C2CD2L: variants seen among roughly 807,000 people sequenced by gnomAD.
C2CD2L encodes C2CD2 like.
In C2CD2L, 24 loss-of-function variants were observed where a neutral mutation model predicts 69.9. That is an observed-to-expected ratio of 0.34 (90% CI 0.25 to 0.48). The LOEUF (loss-of-function observed/expected upper bound fraction) is 0.48, where lower values mean the gene tolerates loss of function less well. Ranked by LOEUF, C2CD2L falls within the 20% of genes least tolerant of loss-of-function variation. The pLI is 0.99. For missense variants in C2CD2L, 811 were observed against 941.5 expected (o/e 0.86, Z 1.81); for synonymous variants, 367 against 391.0 (o/e 0.94, Z 0.72).
At chr11:119,115,356 A>C (rs1251745482) in intron 13 of C2CD2L, 1 of 152,242 alleles carries the variant, frequency 6.6e-6, no homozygotes, top group African/African-American at 2.4e-5. Flanking sequence ...TGGCAGCAAG[A>C]CAGGCAGTGA....
At chr11:119,104,611 A>G (rs1169715849), upstream of C2CD2L, among the ~76,000 whole-genome samples, 1 of 152,228 alleles carries the variant, frequency 6.6e-6, no homozygotes, top group Non-Finnish European at 1.5e-5. Flanking sequence ...CTTCCCTGGT[A>G]AAAGTTCAAA....
At position 119,116,029 on chromosome 11, in the gene C2CD2L, C is replaced by T; in HGVS notation, c.1910-16C>T. The T allele has an allele frequency of 6.2e-7, 1 of 1,612,676 alleles. No individual in the cohort carries two copies. The highest frequency in any genetic ancestry group is 8.5e-7 in the Non-Finnish European group (1 of 1,179,540). On this transcript the variant is annotated splice_polypyrimidine_tract_variant and intron_variant, in intron 13 of 13. Transcript: ENST00000648610. The stretch of plus-strand genomic sequence containing the variant: ...CCGTGCCCCTCTCTGCCTCAGCTTC[C>T]CCTCTTCCCCTGCAGTGAGTTTCCT...
rs1946819586 is a variant in C2CD2L, at chr11:119,113,964, T to C, written c.1599T>C (p.Thr533=). 1 of 1,614,076 alleles carries C rather than the reference T, an allele frequency of 6.2e-7. No individual in the cohort carries two copies. Among genetic ancestry groups the C allele is most frequent in the East Asian group, 2.2e-5 (1 of 44,884 alleles). ...VAKKTPTKRS[T]LIISGVSKVP... is the part of the protein sequence containing the mutation. ...AGAAGACACCCACCAAGCGCAGCAC[T>C]CTCATCATCTCTGGTGTTTCCAAGG... is the stretch of plus-strand genomic sequence containing the variant. Residue 533 remains threonine (T), a synonymous_variant, in exon 12 of 14, where the codon ACT becomes ACC. Coordinates refer to ENST00000648610, the MANE Select transcript of C2CD2L (RefSeq NM_001290474.2).
intron 1 of C2CD2L, 51 bp downstream of exon 1, chr11:119,108,146 G>C (rs753400519): frequency 3.3e-5 from 43 of 1,320,234 alleles, no homozygotes; most frequent in Non-Finnish European, 4.3e-5. Context: ...CCTTCCAGGG[G>C]AGGGACTGAC....
chr11:119,115,854 C>CT, intron 13 of C2CD2L, 191 bp from the exon 14 acceptor site: 1 of 595,886 alleles, frequency 1.7e-6, no homozygotes, highest in Non-Finnish European at 3.0e-6. Context: ...CTTTCGTTTT[C>CT]TTTTTTCTTT....
intron 10 of C2CD2L, 181 bp from the exon 11 acceptor site, chr11:119,113,430 C>T: frequency 1.2e-6 from 1 of 845,534 alleles, no homozygotes; most frequent in Non-Finnish European, 1.8e-6. Flanking sequence ...TCCTACACTC[C>T]CATTAGCTCC....
rs774225008 is a variant in C2CD2L at position 119,111,292 on chromosome 11, C to G, written c.828C>G (p.Pro276=). The G allele has an allele frequency of 5.6e-6, 9 of 1,614,088 alleles. No individual in the cohort carries two copies. The South Asian group carries it at 9.9e-5, about 18-fold the overall frequency. ...CCAGTGAGAAGCCACCCATGATGCC[C>G]CAGGCTCAGCCAGCCATCCCCAGAC... ...LVPSEKPPMM[P]QAQPAIPRPN... Residue 276 remains proline (P), a synonymous_variant, in exon 6 of 14, where the codon CCC becomes CCG. Coordinates refer to ENST00000648610, the MANE Select transcript of C2CD2L (RefSeq NM_001290474.2).
At chr11:119,108,346 A>G in intron 1 of C2CD2L, 3 of 448,932 alleles carry the variant, frequency 6.7e-6, no homozygotes, top group Non-Finnish European at 1.2e-5. Flanking sequence ...TGCTGTTCTC[A>G]TAGCAACGCT....
intron 4 of C2CD2L, 31 bp from the exon 5 acceptor site, chr11:119,111,021 C>A (rs780057011): frequency 1.2e-6 from 2 of 1,613,204 alleles, no homozygotes; most frequent in East Asian, 4.5e-5. Context: ...GGGGGATCCA[C>A]CTCCTTGTTG....
intron 7 of C2CD2L, 161 bp from the exon 8 acceptor site, chr11:119,112,167 C>T (rs948861030): frequency 1.1e-5 from 7 of 653,808 alleles, no homozygotes; most frequent in Non-Finnish European, 1.6e-5. Flanking sequence ...GTCCCTTTCT[C>T]TTGGGACGAG....
In C2CD2L at chr11:119,118,437, A is replaced by G. The variant is rs572562735; in HGVS notation, c.*2181A>G. The G allele has an allele frequency of 3.9e-5, 6 of 152,202 alleles. No individual in the cohort carries two copies. Among genetic ancestry groups the G allele is most frequent in the African/African-American group, 1.4e-4 (6 of 41,496 alleles). The allele number at this position is 152,202 out of a possible 1,614,324, so 9.4% of individuals were successfully genotyped here. ...AAAACACATGATTTCATTCTTTTTT[A>G]TGGCTGAGTAGTATTCCACTGTGTG... On this transcript the variant is annotated 3_prime_UTR_variant, in exon 14 of 14. Transcript: ENST00000648610.
rs1283520725 is a variant in C2CD2L, at chr11:119,110,988, A to G, written c.681+31A>G. 1.2e-6 allele frequency: 2 copies of G among 1,613,814 alleles called. No homozygotes were observed. The highest frequency in any genetic ancestry group is 1.7e-5 in the Admixed American group (1 of 60,018). ...GAGGCAGAGCTGGCAGAGAAGAGGCAGAACGGGGAGGGAGGCAGAGGTGGG... is the reference window on the plus strand; with the variant it reads ...GAGGCAGAGCTGGCAGAGAAGAGGCGGAACGGGGAGGGAGGCAGAGGTGGG... On this transcript the variant is annotated intron_variant, in intron 4 of 13. Transcript: ENST00000648610. The surrounding 1 kb of genome is among the most constrained non-coding windows in gnomAD (Gnocchi z 5.7).
upstream of C2CD2L, among the ~76,000 whole-genome samples, chr11:119,102,723 C>T (rs901226918): frequency 1.3e-5 from 2 of 151,966 alleles, no homozygotes; most frequent in Admixed American, 6.6e-5. Context: ...GGAATCAGAC[C>T]CACAACTGAT....
At position 119,113,663 on chromosome 11, in the gene C2CD2L, T is replaced by C. The variant is rs1946809141; in HGVS notation, c.1440T>C (p.Thr480=). 6.3e-7 allele frequency: 1 copy of C among 1,575,124 alleles called. No homozygotes were observed. The highest frequency in any genetic ancestry group is 8.6e-7 in the Non-Finnish European group (1 of 1,156,496). ...TGGAGGTGACCGAGAAGACGACAAC[T>C]GTGCTGAGTGAGAGCAGTGGCCCCA... ...SKVEVTEKTT[T]VLSESSGPSN... The change falls in exon 11 of 14, where the codon ACT becomes ACC. Residue 480 remains threonine, a synonymous_variant. Transcript: ENST00000648610.
Position 119,108,092 on chromosome 11 carries a change from C to T in C2CD2L, c.351C>T (p.Asn117=). The change falls in exon 1 of 14, where the codon AAC becomes AAT. Residue 117 remains asparagine (N), a synonymous_variant. Transcript: ENST00000648610. ...CGCTGAACGAGCAGGCCTGCAGAAA[C>T]GGGGTGAGTTGGACCAAGCGCTTGG... ...VRALNEQACR[N]GSSIQIAFEE... is the part of the protein sequence containing the mutation. The T allele has an allele frequency of 6.3e-7, 1 of 1,589,722 alleles. No individual in the cohort carries two copies. The highest frequency in any genetic ancestry group is 8.6e-7 in the Non-Finnish European group (1 of 1,169,030).
chr11:119,114,458 C>T lies in C2CD2L; in HGVS notation c.1909+93C>T, dbSNP rs940920128. On this transcript the variant is annotated intron_variant, in intron 13 of 13. Coordinates refer to ENST00000648610, the MANE Select transcript of C2CD2L (RefSeq NM_001290474.2). This position sits in a 1 kb window ranked among gnomAD's most constrained non-coding sequence, Gnocchi z 5.1. ...CGAGCCAGTGTGCCTTCTCCTTCCTCCCCTAAGAGATAGCCGGATTCCCAG... is the reference window on the plus strand; with the variant it reads ...CGAGCCAGTGTGCCTTCTCCTTCCTTCCCTAAGAGATAGCCGGATTCCCAG... The T allele has an allele frequency of 1.6e-6, 2 of 1,275,222 alleles. No individual in the cohort carries two copies. Among genetic ancestry groups the T allele is most frequent in the African/African-American group, 1.5e-5 (1 of 68,248 alleles). The allele number at this position is 1,275,222 out of a possible 1,614,324, so 79.0% of individuals were successfully genotyped here. A position where few individuals can be genotyped will look rare whatever the true frequency, so the allele number is the denominator to read the frequency against.
At chr11:119,103,556 G>T (rs540489728), upstream of C2CD2L, among the ~76,000 whole-genome samples, 2 of 152,140 alleles carry the variant, frequency 1.3e-5, no homozygotes, top group Admixed American at 1.3e-4. Context: ...AATTAGCCGG[G>T]TGTGGTGGCA....
At position 119,111,552 on chromosome 11, in the gene C2CD2L, C is replaced by T. The variant is rs1187092514; in HGVS notation, c.942C>T (p.Leu314=). ...AGGAACTGTGCTGTGTAGCTGAACT[C>T]GACAACCCCATGCAGCAGAAGTGGA... ...GTEELCCVAE[L]DNPMQQKWTK... is the part of the protein sequence containing the mutation. Residue 314 remains leucine, a synonymous_variant, in exon 7 of 14, where the codon CTC becomes CTT. Coordinates refer to ENST00000648610, the MANE Select transcript of C2CD2L (RefSeq NM_001290474.2). 8.1e-6 allele frequency: 13 copies of T among 1,614,032 alleles called. No homozygotes were observed. The African/African-American group carries it at 9.3e-5, about 12-fold the overall frequency.
At chr11:119,104,168 T>A (rs4938628), upstream of C2CD2L, among the ~76,000 whole-genome samples, 140,864 of 151,988 alleles carry the variant, frequency 0.93, 65,513 homozygotes, top group Non-Finnish European at 0.95. Context: ...CACCAGAAGC[T>A]GGTGGAAAGG....
Sources: allele counts gnomAD v4.1 joint callset (sites outside exome capture counted in the v4.1 genomes callset), GRCh38; gene constraint gnomAD v4.1.1; non-coding constraint Gnocchi (gnomAD v3.1); transcripts MANE v1.5; gene names NCBI Gene and HGNC (gene_info 2026-07-23, HGNC 2026-07-21).